The following SMIM35 variants were observed in gnomAD, a reference collection of about 807,000 sequenced individuals.
SMIM35 encodes TMPRSS4 antisense RNA 1 (non-protein coding).
chr11:118,081,369 G>GTC (rs1464861273), intron 1 of SMIM35, among the ~76,000 whole-genome samples: 1 of 152,186 alleles, frequency 6.6e-6, no homozygotes, highest in African/African-American at 2.4e-5. Context: ...CAATCCCCCT[G>GTC]TGACACGTCT....
At chr11:118,078,220 G>C (rs1054365432) in intron 1 of SMIM35, among the ~76,000 whole-genome samples, 2 of 152,090 alleles carry the variant, frequency 1.3e-5, no homozygotes, top group Non-Finnish European at 2.9e-5. Context: ...AAGGAGGACA[G>C]CTGAGGGCCA....
chr11:118,052,890 T>C (rs978444459), intron 1 of SMIM35, among the ~76,000 whole-genome samples: 1 of 152,158 alleles, frequency 6.6e-6, no homozygotes, highest in South Asian at 2.1e-4. Flanking sequence ...ACGCTCAGCA[T>C]GTCCCTCTGT....
chr11:118,026,383 C>G (rs685308), intron 1 of SMIM35, among the ~76,000 whole-genome samples: 66,015 of 152,020 alleles, frequency 0.43, 16,864 homozygotes, highest in African/African-American at 0.72. Context: ...GGCACAGCCA[C>G]AGTTTTTCTC....
At chr11:118,077,601 C>G (rs975916423) in intron 1 of SMIM35, among the ~76,000 whole-genome samples, 4 of 152,188 alleles carry the variant, frequency 2.6e-5, no homozygotes, top group African/African-American at 9.6e-5. Context: ...TTCTTTTGCC[C>G]AATGTCTCCA....
At chr11:118,025,572 TG>T (rs2058268114) in intron 1 of SMIM35, 2 of 454,978 alleles carry the variant, frequency 4.4e-6, no homozygotes, top group South Asian at 3.1e-5. Context: ...TCGTGTTTGT[TG>T]GCCACTTGTA....
At chr11:118,013,226 C>G (rs11216678) in intron 4 of SMIM35, among the ~76,000 whole-genome samples, 6,874 of 152,172 alleles carry the variant, frequency 0.045, 233 homozygotes, top group Non-Finnish European at 0.067. Context: ...CCAGGGGAGC[C>G]TGGGAGGGGC....
chr11:118,010,037 T>C (rs2058142337), intron 4 of SMIM35, among the ~76,000 whole-genome samples: 1 of 152,216 alleles, frequency 6.6e-6, no homozygotes, highest in South Asian at 2.1e-4. Context: ...CTGACCCAAG[T>C]GCCCCCATAT....
chr11:118,032,242 A>G (rs2058325915), intron 1 of SMIM35, among the ~76,000 whole-genome samples: 1 of 152,212 alleles, frequency 6.6e-6, no homozygotes, highest in Admixed American at 6.5e-5. Context: ...GGGGCAACTG[A>G]CAAAACTTGA....
In SMIM35 at chr11:118,042,628, G is replaced by A. The variant is rs553451575; in HGVS notation, c.8-26819C>T. ...TTTATAAGGCAAATATTACCCTGAT[G>A]TCAAAACCAGACAAGGACATCACAA... On this transcript the variant is annotated intron_variant, in intron 1 of 4. Transcript: ENST00000689828. 4.1e-4 allele frequency among the ~76,000 whole-genome samples: 62 copies of A among 152,280 alleles called. No homozygotes were observed. In the South Asian group the frequency reaches 0.012, roughly 29 times the overall value.
At chr11:118,086,360 C>T (rs763894593) in intron 1 of SMIM35, among the ~76,000 whole-genome samples, 112 of 152,224 alleles carry the variant, frequency 7.4e-4, no homozygotes, top group Non-Finnish European at 2.5e-4. Flanking sequence ...ATGAGGTGCT[C>T]GGCTCAAATT....
chr11:118,027,744 A>G (rs2058286277), intron 1 of SMIM35, among the ~76,000 whole-genome samples: 1 of 152,208 alleles, frequency 6.6e-6, no homozygotes, highest in Admixed American at 6.5e-5. Flanking sequence ...CACCTGTGGC[A>G]GGGAGGCACA....
At chr11:118,054,951 G>C (rs1023262061) in intron 1 of SMIM35, among the ~76,000 whole-genome samples, 1 of 151,860 alleles carries the variant, frequency 6.6e-6, no homozygotes, top group Non-Finnish European at 1.5e-5. Flanking sequence ...TTACAGGTGC[G>C]CGCCACCATG....
At chr11:118,038,359 G>T (rs907662503) in intron 1 of SMIM35, among the ~76,000 whole-genome samples, 1 of 152,130 alleles carries the variant, frequency 6.6e-6, no homozygotes, top group Non-Finnish European at 1.5e-5. Context: ...TAACACCCAC[G>T]TAAAGAATTT....
At chr11:118,048,654 G>T (rs1326021268) in intron 1 of SMIM35, among the ~76,000 whole-genome samples, 2 of 151,462 alleles carry the variant, frequency 1.3e-5, no homozygotes, top group East Asian at 1.9e-4. Context: ...AAGAAAGAAA[G>T]AAATTAAGTA....
chr11:118,077,347 G>T (rs751936179), intron 1 of SMIM35: 2 of 1,574,932 alleles, frequency 1.3e-6, no homozygotes, highest in African/African-American at 1.4e-5. Flanking sequence ...AGGAAGGGTG[G>T]GTCTCCCCAT....
At chr11:118,075,841 G>C (rs1000121025) in intron 1 of SMIM35, among the ~76,000 whole-genome samples, 2 of 152,250 alleles carry the variant, frequency 1.3e-5, no homozygotes, top group Non-Finnish European at 2.9e-5. Flanking sequence ...GTCGCCCACA[G>C]AATGGGGGAA....
rs1237478633 is a variant in SMIM35 at position 118,048,582 on chromosome 11, GAAGGAAGGAAGGAAGC to G, written c.8-32789_8-32774del. On this transcript the variant is annotated intron_variant, in intron 1 of 4. Coordinates refer to ENST00000689828, the MANE Select transcript of SMIM35 (RefSeq NM_001394165.1). ...GGAAGGAAGGAAGGAAGGAAGGAAG[GAAGGAAGGAAGGAAGC>G]AAGGAAGCAAGGAAGCAAGGAAGGA... Among the ~76,000 whole-genome samples the G allele has an allele frequency of 8.8e-4, 78 of 88,612 alleles. No individual in the cohort carries two copies. The South Asian group carries it at 0.014, about 16-fold the overall frequency. 58.1% of individuals were successfully genotyped at this position (88,612 alleles called of 152,430 possible).
chr11:118,052,792 C>G (rs1387012438), intron 1 of SMIM35, among the ~76,000 whole-genome samples: 1 of 152,150 alleles, frequency 6.6e-6, no homozygotes, highest in Non-Finnish European at 1.5e-5. Flanking sequence ...TGCTCACCCT[C>G]CGAGACCCAC....
At chr11:118,058,162 G>A (rs543469443) in intron 1 of SMIM35, among the ~76,000 whole-genome samples, 11 of 152,246 alleles carry the variant, frequency 7.2e-5, no homozygotes, top group South Asian at 4.1e-4. Context: ...CCGTGGCCTG[G>A]GGGCTGGTCA....
Sources: allele counts gnomAD v4.1 joint callset (sites outside exome capture counted in the v4.1 genomes callset), GRCh38; gene constraint gnomAD v4.1.1; transcripts MANE v1.5; gene names NCBI Gene and HGNC (gene_info 2026-07-23, HGNC 2026-07-21).